SLC5A11: variants seen among roughly 807,000 people sequenced by gnomAD.
SLC5A11 encodes the protein sodium/myo-inositol cotransporter 2.
Under a neutral mutation model 69.8 loss-of-function variants are expected in SLC5A11, and 48 were observed. That is an observed-to-expected ratio of 0.69 (90% CI 0.55 to 0.87). The LOEUF (loss-of-function observed/expected upper bound fraction) is 0.87, where lower values mean the gene tolerates loss of function less well. Ranked by LOEUF, SLC5A11 falls within the 40% of genes least tolerant of loss-of-function variation. The pLI, the probability that SLC5A11 is intolerant of heterozygous loss-of-function variation, is 0.00. For missense variants in SLC5A11, 784 were observed against 866.1 expected (o/e 0.91, Z 1.19); for synonymous variants, 319 against 342.4 (o/e 0.93, Z 0.75).
At chr16:24,877,958 T>C (rs1197598086) in intron 7 of SLC5A11, among the ~76,000 whole-genome samples, 1 of 152,068 alleles carries the variant, frequency 6.6e-6, no homozygotes, top group Non-Finnish European at 1.5e-5. Flanking sequence ...CACTCCAGCC[T>C]GGGTGACAGA....
intron 10 of SLC5A11, among the ~76,000 whole-genome samples, chr16:24,902,368 G>A (rs1159891973): frequency 6.6e-6 from 1 of 152,024 alleles, no homozygotes; most frequent in Non-Finnish European, 1.5e-5. Flanking sequence ...TAAGCTAAGT[G>A]ACTTTCTGGG....
chr16:24,872,092 G>C, intron 4 of SLC5A11, 68 bp from the exon 6 acceptor site: 2 of 1,596,966 alleles, frequency 1.3e-6, no homozygotes, highest in Non-Finnish European at 8.6e-7. Context: ...TCAGGGCGCA[G>C]AGGGAAATCC....
chr16:24,852,065 G>T (rs1313970730), intron 1 of SLC5A11, among the ~76,000 whole-genome samples: 1 of 142,072 alleles, frequency 7.0e-6, no homozygotes, highest in Admixed American at 7.8e-5. Flanking sequence ...CTGGAAATAC[G>T]CCTGCACTCT....
intron 3 of SLC5A11, among the ~76,000 whole-genome samples, chr16:24,868,556 A>G (rs867623048): frequency 6.0e-4 from 89 of 148,022 alleles, no homozygotes; most frequent in African/African-American, 2.0e-3. Context: ...CTGAGATCAC[A>G]CCACTGCACT....
intron 7 of SLC5A11, among the ~76,000 whole-genome samples, chr16:24,878,775 G>T (rs1360261222): frequency 1.3e-5 from 2 of 152,190 alleles, no homozygotes; most frequent in South Asian, 2.1e-4. Context: ...GCTCACGTGT[G>T]TAATCCCAAC....
At chr16:24,882,152 C>T (rs1243089509) in intron 7 of SLC5A11, among the ~76,000 whole-genome samples, 2 of 152,174 alleles carry the variant, frequency 1.3e-5, no homozygotes, top group Non-Finnish European at 2.9e-5. Context: ...GGGCAGGGAA[C>T]ATGCCATTTT....
intron 3 of SLC5A11, among the ~76,000 whole-genome samples, chr16:24,867,965 C>T (rs142723752): frequency 6.6e-6 from 1 of 151,824 alleles, no homozygotes; most frequent in African/African-American, 2.4e-5. Context: ...GGTGAAACCC[C>T]ATTTCTACTA....
At chr16:24,897,359 TC>T (rs746716569) in intron 9 of SLC5A11, among the ~76,000 whole-genome samples, 18 of 152,094 alleles carry the variant, frequency 1.2e-4, no homozygotes, top group Non-Finnish European at 2.1e-4. Context: ...GTGAAATAAT[TC>T]TGTGGAGGAC....
intron 12 of SLC5A11, 43 bp downstream of exon 13, chr16:24,907,218 G>A: frequency 6.2e-7 from 1 of 1,606,516 alleles, no homozygotes; most frequent in Non-Finnish European, 8.5e-7. Flanking sequence ...GGAAGAGAGA[G>A]CTGAGCCCAC....
chr16:24,861,741 A>AAGAAAAAGAAGGAAAGAAAGAAAG (rs2046568555), intron 2 of SLC5A11, among the ~76,000 whole-genome samples: 1 of 143,584 alleles, frequency 7.0e-6, no homozygotes, highest in African/African-American at 2.6e-5. Flanking sequence ...AAGAAAAAGA[A>AAGAAAAAGAAGGAAAGAAAGAAAG]AGAAAGAAAA....
chr16:24,905,404 C>T (rs143457160), intron 10 of SLC5A11, among the ~76,000 whole-genome samples: 7 of 151,052 alleles, frequency 4.6e-5, no homozygotes, highest in African/African-American at 1.7e-4. Context: ...GATTGTGCCA[C>T]GCACTCCAGT....
intron 1 of SLC5A11, among the ~76,000 whole-genome samples, chr16:24,852,235 G>A (rs1026452537): frequency 6.6e-5 from 10 of 152,124 alleles, no homozygotes; most frequent in Non-Finnish European, 1.3e-4. Flanking sequence ...GGCATGAAAT[G>A]CGGCAAATAC....
chr16:24,856,654 C>T (rs1464978850), intron 1 of SLC5A11, among the ~76,000 whole-genome samples: 5 of 149,204 alleles, frequency 3.4e-5, no homozygotes, highest in Non-Finnish European at 5.9e-5. Context: ...GCCTGTAGTC[C>T]CAGCTACTCA....
intron 3 of SLC5A11, among the ~76,000 whole-genome samples, chr16:24,867,204 A>G (rs1029155006): frequency 6.6e-6 from 1 of 152,208 alleles, no homozygotes; most frequent in Non-Finnish European, 1.5e-5. Context: ...GTGGAATGAA[A>G]TTATAAATAA....
At chr16:24,901,931 T>TACACACACACAC (rs749172893) in intron 10 of SLC5A11, among the ~76,000 whole-genome samples, 16 of 137,928 alleles carry the variant, frequency 1.2e-4, no homozygotes, top group African/African-American at 4.4e-4. Context: ...GAAAAAAAAA[T>TACACACACACAC]ACACACACAC....
At chr16:24,863,690 C>G (rs2046741943) in intron 3 of SLC5A11, among the ~76,000 whole-genome samples, 1 of 152,054 alleles carries the variant, frequency 6.6e-6, no homozygotes, top group South Asian at 2.1e-4. Flanking sequence ...TTTCAGAACT[C>G]TGGGGATTAA....
rs113597211 is a variant in SLC5A11, at chr16:24,908,160, G to A, written c.1434+29G>A. On this transcript the variant is annotated intron_variant, in intron 13 of 15. Transcript: ENST00000347898. ...GCTCTGGATGGCTCCCACTATGCCA[G>A]AACCAAGTGCTGCCCCTTGAGGACT... The A allele has an allele frequency of 5.8e-6, 9 of 1,544,504 alleles. No individual in the cohort carries two copies. In the African/African-American group the frequency reaches 8.3e-5, roughly 14 times the overall value.
chr16:24,880,371 T>C (rs958111445), intron 7 of SLC5A11, among the ~76,000 whole-genome samples: 1 of 152,154 alleles, frequency 6.6e-6, no homozygotes, highest in African/African-American at 2.4e-5. Context: ...GGAGACTTAC[T>C]CTTTCATGGC....
chr16:24,883,988 T>A, intron 7 of SLC5A11, 63 bp from the exon 9 acceptor site: 1 of 1,492,884 alleles, frequency 6.7e-7, no homozygotes, highest in Non-Finnish European at 9.3e-7. Flanking sequence ...GTTCCCTTGG[T>A]GACCCAGAGT....
Sources: allele counts gnomAD v4.1 joint callset (sites outside exome capture counted in the v4.1 genomes callset), GRCh38; gene constraint gnomAD v4.1.1; transcripts MANE v1.5; gene names NCBI Gene and HGNC (gene_info 2026-07-23, HGNC 2026-07-21).